PPIP5K2: variants seen among roughly 807,000 people sequenced by gnomAD.
PPIP5K2 encodes diphosphoinositol pentakisphosphate kinase 2.
Under a neutral mutation model 154.6 loss-of-function variants are expected in PPIP5K2, and 105 were observed. The observed-to-expected ratio is 0.68, with a 90% confidence interval of 0.58 to 0.80. PPIP5K2 has a LOEUF of 0.80. PPIP5K2 is among the 30% of genes least tolerant of loss of function. The pLI is 0.00. For missense variants in PPIP5K2, 992 were observed against 1,504.6 expected (o/e 0.66, Z 5.64); for synonymous variants, 480 against 490.3 (o/e 0.98, Z 0.28).
intron 30 of PPIP5K2, among the ~76,000 whole-genome samples, chr5:103,197,738 G>C (rs1186455836): frequency 1.5e-4 from 22 of 151,084 alleles, no homozygotes; most frequent in African/African-American, 5.1e-4. Context: ...ACCACGCCTG[G>C]CTAATTTTTT....
intron 2 of PPIP5K2, among the ~76,000 whole-genome samples, chr5:103,132,212 G>A (rs1790734822): frequency 6.6e-6 from 1 of 152,058 alleles, no homozygotes; most frequent in African/African-American, 2.4e-5. Context: ...ATGAGTTTGA[G>A]GAGACAATAC....
In PPIP5K2 at chr5:103,158,220, G is replaced by A. The variant is rs1554214280; in HGVS notation, c.1522G>A (p.Val508Ile). ...SRREEPSLLL[V>I]LKWGGELTPA... ...AAGAGAAGAACCATCTTTACTTTTG[G>A]TTCTAAAATGGGGAGGTGAATTAAC... Residue 508 changes from valine to isoleucine, a missense_variant, in exon 15 of 31, where the codon GTT (valine) becomes ATT (isoleucine). This residue lies in a region of PPIP5K2 where 163 missense variants were observed against 285.2 expected (regional missense o/e 0.57). Transcript: ENST00000358359. The A allele has an allele frequency of 6.2e-7, 1 of 1,613,848 alleles. No homozygotes were observed. Among genetic ancestry groups the A allele is most frequent in the South Asian group, 1.1e-5 (1 of 91,070 alleles).
intron 19 of PPIP5K2, among the ~76,000 whole-genome samples, chr5:103,172,006 CAT>C (rs782788625): frequency 2.0e-5 from 3 of 151,598 alleles, no homozygotes; most frequent in African/African-American, 2.4e-5. Flanking sequence ...TCTCTTTACA[CAT>C]GTCTTTCCAT....
intron 8 of PPIP5K2, among the ~76,000 whole-genome samples, 164 bp downstream of exon 8, chr5:103,149,477 T>C (rs1192758290): frequency 6.6e-6 from 1 of 152,186 alleles, no homozygotes; most frequent in Non-Finnish European, 1.5e-5. Flanking sequence ...GGTGCCAATA[T>C]ATTCTTTTGT....
Position 103,209,785 on chromosome 5 carries a change from G to A in PPIP5K2, c.*8151G>A, listed in dbSNP as rs1554232480. ...TGGATGAATGAAGGAAAAATTAGGA[G>A]AAAAGAGAAAGCAGAGGAGGGGTGA... On this transcript the variant is annotated 3_prime_UTR_variant, in exon 31 of 31. Transcript: ENST00000358359. 6.6e-6 allele frequency: 1 copy of A among 152,050 alleles called. No homozygotes were observed. The highest frequency in any genetic ancestry group is 2.4e-5 in the African/African-American group (1 of 41,396). 9.4% of individuals were successfully genotyped at this position (152,050 alleles called of 1,614,324 possible). A position where few individuals can be genotyped will look rare whatever the true frequency, so the allele number is the denominator to read the frequency against.
intron 27 of PPIP5K2, among the ~76,000 whole-genome samples, chr5:103,187,083 T>C (rs1800503768): frequency 6.6e-6 from 1 of 152,152 alleles, no homozygotes. Context: ...TTTACCAGAA[T>C]TGCCAGCTCA....
intron 29 of PPIP5K2, among the ~76,000 whole-genome samples, chr5:103,192,298 AG>A (rs1801360010): frequency 6.6e-6 from 1 of 152,130 alleles, no homozygotes; most frequent in African/African-American, 2.4e-5. Context: ...AACTTCTCCA[AG>A]TGGTAAACGT....
At position 103,211,122 on chromosome 5, in the gene PPIP5K2, A is replaced by C. The variant is rs914171553; in HGVS notation, c.*9488A>C. ...CTGACATCTGTAAAACTAATCTGTA[A>C]AGTGAGATCTGGGTTCTGACCTATC... On this transcript the variant is annotated 3_prime_UTR_variant, in exon 31 of 31. Coordinates refer to ENST00000358359, the MANE Select transcript of PPIP5K2 (RefSeq NM_001276277.3). The C allele has an allele frequency of 2.0e-5, 3 of 152,072 alleles. No individual in the cohort carries two copies. Among genetic ancestry groups the C allele is most frequent in the Non-Finnish European group, 2.9e-5 (2 of 67,964 alleles). 9.4% of individuals were successfully genotyped at this position (152,072 alleles called of 1,614,324 possible).
rs1554212492 is a variant in PPIP5K2 at position 103,154,763 on chromosome 5, C to T, written c.1293+18C>T. 1.3e-6 allele frequency: 2 copies of T among 1,558,926 alleles called. No homozygotes were observed. The highest frequency in any genetic ancestry group is 1.7e-4 in the Middle Eastern group (1 of 5,722). On this transcript the variant is annotated intron_variant, in intron 12 of 30. Coordinates refer to ENST00000358359, the MANE Select transcript of PPIP5K2 (RefSeq NM_001276277.3). ...AGTTACAGGCAAGTGTATTTGCTTTCTTGTTTAATTTTAAATTTTTTAGTG... is the reference window on the plus strand; with the variant it reads ...AGTTACAGGCAAGTGTATTTGCTTTTTTGTTTAATTTTAAATTTTTTAGTG...
chr5:103,141,846 T>C (rs1406783901), intron 5 of PPIP5K2, among the ~76,000 whole-genome samples: 2 of 151,826 alleles, frequency 1.3e-5, no homozygotes, highest in Admixed American at 6.6e-5. Flanking sequence ...AGATACAGAG[T>C]GTAGATTGGT....
At position 103,173,293 on chromosome 5, in the gene PPIP5K2, G is replaced by A. The variant is rs1798230896; in HGVS notation, c.2414+11G>A. ...TAAACTTCATCCTGTGTAAGAAACTGTACTGGTTATTTAAATCTCTAGGCA... is the reference window on the plus strand; with the variant it reads ...TAAACTTCATCCTGTGTAAGAAACTATACTGGTTATTTAAATCTCTAGGCA... On this transcript the variant is annotated intron_variant, in intron 20 of 30. Coordinates refer to ENST00000358359, the MANE Select transcript of PPIP5K2 (RefSeq NM_001276277.3). The A allele has an allele frequency of 6.3e-7, 1 of 1,597,156 alleles. No individual in the cohort carries two copies. Among genetic ancestry groups the A allele is most frequent in the Admixed American group, 1.8e-5 (1 of 55,594 alleles).
intron 17 of PPIP5K2, 104 bp downstream of exon 17, chr5:103,159,432 A>G: frequency 1.0e-6 from 1 of 971,444 alleles, no homozygotes; most frequent in Non-Finnish European, 1.4e-6. Context: ...TAAAGCAAAT[A>G]CACATGTTAT....
intron 19 of PPIP5K2, 96 bp downstream of exon 19, chr5:103,168,391 T>G: frequency 1.1e-6 from 1 of 913,238 alleles, no homozygotes; most frequent in South Asian, 1.5e-5. Flanking sequence ...TTCATGTCCT[T>G]GGAAAACCAG....
chr5:103,124,925 G>C (rs11739012), intron 1 of PPIP5K2, among the ~76,000 whole-genome samples: 1 of 152,182 alleles, frequency 6.6e-6, no homozygotes, highest in African/African-American at 2.4e-5. Flanking sequence ...GTTGTGGAGG[G>C]ATATACATAA....
At chr5:103,164,771 C>T (rs1402710108) in intron 17 of PPIP5K2, among the ~76,000 whole-genome samples, 2 of 152,102 alleles carry the variant, frequency 1.3e-5, no homozygotes, top group Non-Finnish European at 2.9e-5. Flanking sequence ...TAGAATTGCA[C>T]TTGACATTTT....
chr5:103,142,346 G>A (rs1418111119), intron 5 of PPIP5K2, among the ~76,000 whole-genome samples: 3 of 152,174 alleles, frequency 2.0e-5, no homozygotes, highest in Admixed American at 6.5e-5. Flanking sequence ...CCAAGCCCAA[G>A]CCCACGCCCA....
intron 30 of PPIP5K2, among the ~76,000 whole-genome samples, chr5:103,200,697 G>A (rs1268684765): frequency 2.6e-5 from 4 of 151,626 alleles, no homozygotes; most frequent in East Asian, 3.9e-4. Flanking sequence ...CTGCAGTGGT[G>A]CAATCATGGC....
At chr5:103,199,612 T>C (rs1196143937) in intron 30 of PPIP5K2, among the ~76,000 whole-genome samples, 1 of 152,102 alleles carries the variant, frequency 6.6e-6, no homozygotes, top group Non-Finnish European at 1.5e-5. Context: ...AAGGCATATT[T>C]ATGTCTATTT....
chr5:103,179,340 A>T (rs1554221877), intron 23 of PPIP5K2, among the ~76,000 whole-genome samples: 2 of 152,018 alleles, frequency 1.3e-5, no homozygotes, highest in African/African-American at 2.4e-5. Flanking sequence ...TATTGCTTTA[A>T]AATATGTGTT....
Sources: gnomAD v4.1 joint callset for allele counts (sites outside exome capture counted in the v4.1 genomes callset) on GRCh38, gnomAD v4.1.1 for gene constraint, gnomAD v4.1.1 regional missense constraint, MANE v1.5 for transcripts, NCBI Gene and HGNC (gene_info 2026-07-23, HGNC 2026-07-21) for gene names.